The following SHOC1 variants were observed in gnomAD, a reference collection of about 807,000 sequenced individuals.
SHOC1 encodes the protein shortage in chiasmata 1.
A neutral mutation model predicts 179.2 loss-of-function variants in SHOC1; 136 were observed. The observed-to-expected ratio is 0.76, with a 90% CI of 0.66 to 0.87. The LOEUF (loss-of-function observed/expected upper bound fraction) is 0.87, where lower values mean the gene tolerates loss of function less well. SHOC1 is among the 40% of genes least tolerant of loss of function. The pLI is 0.00. For synonymous variants in SHOC1, 489 were observed against 586.6 expected (o/e 0.83, Z 2.41); for missense variants, 1,538 against 1,700.8 (o/e 0.90, Z 1.68).
intron 14 of SHOC1, 68 bp from the exon 15 acceptor site, chr9:111,722,653 T>A: frequency 7.6e-7 from 1 of 1,320,634 alleles, no homozygotes; most frequent in Non-Finnish European, 1.0e-6. Flanking sequence ...ATGAACCAAT[T>A]AAATGTTATT....
rs567717090 is a variant in SHOC1 at position 111,735,249 on chromosome 9, T to C, written c.1417+3031A>G. Among the ~76,000 whole-genome samples, 147 of 152,214 alleles carry C rather than the reference T, an allele frequency of 9.7e-4. No individual in the cohort carries two copies. The Middle Eastern group carries it at 0.017, about 18-fold the overall frequency. Reference sequence around the variant, plus strand: ...GTGCAGAACGTGTAGGTTTGTTACATAGGTATATACATGTTATGGTGGTTT... The same window carrying C: ...GTGCAGAACGTGTAGGTTTGTTACACAGGTATATACATGTTATGGTGGTTT... On this transcript the variant is annotated intron_variant, in intron 12 of 27. Coordinates refer to ENST00000682961, the MANE Select transcript of SHOC1 (RefSeq NM_001378211.1).
chr9:111,768,444 C>T (rs1445629632), intron 5 of SHOC1, among the ~76,000 whole-genome samples: 1 of 152,106 alleles, frequency 6.6e-6, no homozygotes, highest in African/African-American at 2.4e-5. Context: ...GTCTCAAACC[C>T]CTGACCTCAG....
intron 12 of SHOC1, 36 bp downstream of exon 12, chr9:111,738,244 T>G: frequency 1.3e-6 from 2 of 1,551,844 alleles, no homozygotes; most frequent in Non-Finnish European, 1.8e-6. Flanking sequence ...ATTCTGAAAA[T>G]GTTTACATAA....
chr9:111,780,853 C>A, intron 4 of SHOC1, 77 bp downstream of exon 4: 1 of 971,734 alleles, frequency 1.0e-6, no homozygotes, highest in South Asian at 1.5e-5. Context: ...GAGATTTTCC[C>A]TCTTTAGGTA....
chr9:111,741,613 T>C, intron 10 of SHOC1, 43 bp from the exon 11 acceptor site: 1 of 989,264 alleles, frequency 1.0e-6, no homozygotes, highest in Non-Finnish European at 1.5e-6. Context: ...TAATATTGAG[T>C]CTTTTGTATA....
intron 12 of SHOC1, among the ~76,000 whole-genome samples, chr9:111,729,453 G>A (rs1332711877): frequency 1.3e-5 from 2 of 152,114 alleles, no homozygotes; most frequent in African/African-American, 4.8e-5. Flanking sequence ...TCAGAGTGGT[G>A]GTTGCTAAAG....
In SHOC1 at chr9:111,699,639, G is replaced by A. The variant is rs1234829363; in HGVS notation, c.3183+315C>T. Among the ~76,000 whole-genome samples, 3 of 152,112 alleles carry A rather than the reference G, an allele frequency of 2.0e-5. No homozygotes were observed. The East Asian group carries it at 5.8e-4, about 29-fold the overall frequency. On this transcript the variant is annotated intron_variant, in intron 24 of 27. Coordinates refer to ENST00000682961, the MANE Select transcript of SHOC1 (RefSeq NM_001378211.1). ...TGTCTTAAGAGTTCCATTTACAGCA[G>A]ATACAAGCTTAGTACATCTTTCATA...
At position 111,783,640 on chromosome 9, in the gene SHOC1, A is replaced by C. The variant is rs577970441; in HGVS notation, c.169+2272T>G. 5.3e-5 allele frequency: 8 copies of C among 152,270 alleles called. No homozygotes were observed. In the South Asian group the frequency reaches 1.7e-3, roughly 32 times the overall value. The allele number at this position is 152,270 out of a possible 1,614,324, so 9.4% of individuals were successfully genotyped here. A position where few individuals can be genotyped will look rare whatever the true frequency, so the allele number is the denominator to read the frequency against. On this transcript the variant is annotated intron_variant, in intron 3 of 27. Transcript: ENST00000682961. ...ACTCATGCTCTCAGTGACTTCATCT[A>C]GTTTCACAGGTTTATGTGTAATTTA...
intron 11 of SHOC1, 115 bp from the exon 12 acceptor site, chr9:111,738,637 G>A (rs1833911074): frequency 1.1e-6 from 1 of 934,050 alleles, no homozygotes; most frequent in Non-Finnish European, 1.5e-6. Flanking sequence ...TTATGCATTA[G>A]AAAATAAGTG....
At chr9:111,716,015 C>T (rs1397651899) in intron 16 of SHOC1, among the ~76,000 whole-genome samples, 1 of 151,846 alleles carries the variant, frequency 6.6e-6, no homozygotes, top group African/African-American at 2.4e-5. Flanking sequence ...TTTTCCTCTG[C>T]CATTATACAG....
chr9:111,769,708 G>A (rs1254109932), intron 5 of SHOC1, among the ~76,000 whole-genome samples: 1 of 152,088 alleles, frequency 6.6e-6, no homozygotes, highest in African/African-American at 2.4e-5. Context: ...GACCTCAAGT[G>A]ATCCACCCAC....
rs1468468259 is a variant in SHOC1 at position 111,775,993 on chromosome 9, T to C, written c.258-18A>G. 2 of 1,594,102 alleles carry C rather than the reference T, an allele frequency of 1.3e-6. No homozygotes were observed. Among genetic ancestry groups the C allele is most frequent in the Admixed American group, 1.7e-5 (1 of 59,250 alleles). On this transcript the variant is annotated intron_variant, in intron 4 of 27. Transcript: ENST00000682961. ...TTGTTTTTCTGTGACAATATAAAAT[T>C]ACTAATGTTATGTATGTCCTATTTT...
chr9:111,793,864 A>C (rs1836532222), intron 1 of SHOC1, among the ~76,000 whole-genome samples: 1 of 151,782 alleles, frequency 6.6e-6, no homozygotes, highest in Non-Finnish European at 1.5e-5. Flanking sequence ...TAATCAAATA[A>C]TTTTTTGAGA....
chr9:111,747,285 G>A (rs532757491), intron 9 of SHOC1, among the ~76,000 whole-genome samples: 1 of 151,996 alleles, frequency 6.6e-6, no homozygotes, highest in African/African-American at 2.4e-5. Context: ...TATCAATATA[G>A]TTAAGCAACA....
chr9:111,759,591 C>A, intron 5 of SHOC1: 1 of 1,064,612 alleles, frequency 9.4e-7, no homozygotes, highest in East Asian at 6.7e-5. Context: ...CCCAATTCTT[C>A]AATAAGTTTT....
At chr9:111,773,143 T>C (rs1324373689) in intron 5 of SHOC1, among the ~76,000 whole-genome samples, 1 of 152,168 alleles carries the variant, frequency 6.6e-6, no homozygotes, top group Non-Finnish European at 1.5e-5. Context: ...GTGAAAATTT[T>C]GGCATTGTAT....
intron 2 of SHOC1, among the ~76,000 whole-genome samples, chr9:111,790,275 T>C (rs1295836273): frequency 1.3e-5 from 2 of 151,970 alleles, no homozygotes; most frequent in Non-Finnish European, 2.9e-5. Flanking sequence ...AATTAACTAA[T>C]GGCAAATTAA....
chr9:111,786,160 T>G, intron 2 of SHOC1, 125 bp from the exon 3 acceptor site: 1 of 692,806 alleles, frequency 1.4e-6, no homozygotes, highest in African/African-American at 1.9e-5. Flanking sequence ...ACATGCTCCT[T>G]ATAAAAAACA....
chr9:111,720,138 T>C (rs1033764409), intron 15 of SHOC1, among the ~76,000 whole-genome samples: 1 of 152,192 alleles, frequency 6.6e-6, no homozygotes, highest in African/African-American at 2.4e-5. Context: ...CCGCTTCTTG[T>C]ATTTACTGGC....
Sources: gnomAD v4.1 joint callset for allele counts (sites outside exome capture counted in the v4.1 genomes callset) on GRCh38, gnomAD v4.1.1 for gene constraint, MANE v1.5 for transcripts, NCBI Gene and HGNC (gene_info 2026-07-23, HGNC 2026-07-21) for gene names.